The following ANK2 variants were observed in gnomAD, a reference collection of about 807,000 sequenced individuals.
The protein encoded by ANK2 is ankyrin-2.
A neutral mutation model predicts 360.5 loss-of-function variants in ANK2; 83 were observed. The ratio of observed to expected loss-of-function variants is 0.23; its 90% CI spans 0.19 to 0.28. The LOEUF (loss-of-function observed/expected upper bound fraction) is 0.28, where lower values mean the gene tolerates loss of function less well. Among genes scored for constraint, ANK2 ranks in the 10% least tolerant of loss-of-function variants. The probability of loss-of-function intolerance (pLI) is 1.00; values close to 1 mark genes in which losing one functional copy is unlikely to be tolerated. For synonymous variants in ANK2, 1,740 were observed against 1,759.5 expected (o/e 0.99, Z 0.28); for missense variants, 4,201 against 4,795.7 (o/e 0.88, Z 3.66).
chr4:113,237,681 T>C (rs923643016), intron 7 of ANK2, 59 bp downstream of exon 7: 22 of 1,416,524 alleles, frequency 1.6e-5, no homozygotes, highest in Non-Finnish European at 2.2e-5. Context: ...TTTTGCCCAA[T>C]TGGAATAAAT....
At chr4:112,781,840 T>C in the ANK2 span, among the ~76,000 whole-genome samples, 1 of 149,324 alleles carries the variant, frequency 6.7e-6, no homozygotes, top group Non-Finnish European at 1.5e-5. Context: ...TTTTTTTTTT[T>C]TTTTTTTGAG....
At chr4:113,064,092 C>G (rs1046700510) in intron 1 of ANK2, among the ~76,000 whole-genome samples, 1 of 152,016 alleles carries the variant, frequency 6.6e-6, no homozygotes, top group African/African-American at 2.4e-5. Context: ...CAGTGGAAGT[C>G]ATTTTTGGAA....
At chr4:112,706,336 T>C in the ANK2 span, among the ~76,000 whole-genome samples, 1 of 152,116 alleles carries the variant, frequency 6.6e-6, no homozygotes, top group East Asian at 1.9e-4. Context: ...ACGAGCCAAC[T>C]TGGCTACATC....
chr4:113,236,398 T>C (rs1192596402), intron 5 of ANK2, among the ~76,000 whole-genome samples: 3 of 152,302 alleles, frequency 2.0e-5, no homozygotes, highest in Middle Eastern at 3.4e-3. Flanking sequence ...GTCAAAATAA[T>C]ATAAAATTCA....
At chr4:112,935,418 A>G (rs990579063) in intron 2 of ANK2, among the ~76,000 whole-genome samples, 1 of 152,190 alleles carries the variant, frequency 6.6e-6, no homozygotes, top group Non-Finnish European at 1.5e-5. Flanking sequence ...ATAGTGCCTA[A>G]TTCTAGGAGA....
intron 45 of ANK2, 88 bp downstream of exon 45, chr4:113,373,537 T>C: frequency 7.1e-7 from 1 of 1,399,150 alleles, no homozygotes; most frequent in Non-Finnish European, 1.0e-6. Context: ...TTATTCATAT[T>C]TTCCTCACTT....
In ANK2 at chr4:113,341,814, T is replaced by C. The variant is rs2094333433; in HGVS notation, c.4020T>C (p.Ile1340=). ...TGTTTGCCAAATCACATGACCCCAT[T>C]GAAGCCAGGTTGAGGTGTTTCTGCA... The part of the protein sequence containing the change: ...FVVFAKSHDP[I]EARLRCFCMT... The change falls in exon 33 of 46, where the codon ATT becomes ATC. Residue 1340 remains isoleucine (I), a synonymous_variant. Coordinates refer to ENST00000357077, the MANE Select transcript of ANK2 (RefSeq NM_001148.6). The C allele has an allele frequency of 6.2e-7, 1 of 1,613,988 alleles. No individual in the cohort carries two copies. The highest frequency in any genetic ancestry group is 8.5e-7 in the Non-Finnish European group (1 of 1,180,016).
At chr4:113,067,714 A>G (rs1186592853) in intron 1 of ANK2, among the ~76,000 whole-genome samples, 1 of 152,210 alleles carries the variant, frequency 6.6e-6, no homozygotes, top group Admixed American at 6.5e-5. Flanking sequence ...CTGGAAAAAG[A>G]ACATGCTCAT....
At chr4:113,220,646 A>G (rs577907196) in intron 4 of ANK2, among the ~76,000 whole-genome samples, 4 of 152,292 alleles carry the variant, frequency 2.6e-5, no homozygotes, top group African/African-American at 7.2e-5. Context: ...GTCTTTGTTC[A>G]TTTTTGCAAA....
intron 40 of ANK2, 21 bp from the exon 41 acceptor site, chr4:113,365,018 G>A (rs746854533): frequency 1.2e-6 from 2 of 1,613,352 alleles, no homozygotes; most frequent in African/African-American, 1.3e-5. Flanking sequence ...CATAATAAAT[G>A]CTGTTTCTCT....
intron 1 of ANK2, among the ~76,000 whole-genome samples, chr4:113,168,318 AAT>A (rs2097825383): frequency 6.6e-6 from 1 of 152,256 alleles, no homozygotes; most frequent in African/African-American, 2.4e-5. Context: ...ATTTTGTGTG[AAT>A]AGTTATCTTA....
rs973881703 is a variant in ANK2, at chr4:113,341,607, T to G, written c.3894-81T>G. ...TCCAAGAAGCATTTGTTGACTACTTTGATCATATTGAAGGAACTGATTTTA... is the reference window on the plus strand; with the variant it reads ...TCCAAGAAGCATTTGTTGACTACTTGGATCATATTGAAGGAACTGATTTTA... On this transcript the variant is annotated intron_variant, in intron 32 of 45. Transcript: ENST00000357077. 4.2e-6 allele frequency: 6 copies of G among 1,435,096 alleles called. No homozygotes were observed. The African/African-American group carries it at 7.0e-5, about 17-fold the overall frequency. 88.9% of individuals were successfully genotyped at this position (1,435,096 alleles called of 1,614,324 possible).
the ANK2 span, among the ~76,000 whole-genome samples, chr4:112,709,452 A>G: frequency 2.6e-5 from 4 of 152,192 alleles, no homozygotes; most frequent in Non-Finnish European, 1.5e-5. Flanking sequence ...ATTATGACAT[A>G]TAAGATATAT....
At chr4:113,291,619 G>T (rs2067621461) in intron 20 of ANK2, among the ~76,000 whole-genome samples, 1 of 152,174 alleles carries the variant, frequency 6.6e-6, no homozygotes, top group African/African-American at 2.4e-5. Context: ...GATGAAAGGG[G>T]TATGTACACT....
At chr4:112,827,696 G>A in intron 1 of ANK2, 2 of 576,280 alleles carry the variant, frequency 3.5e-6, no homozygotes, top group Admixed American at 2.8e-5. Context: ...TTCGATTCCT[G>A]GAACATAATC....
At chr4:113,322,645 C>G (rs1202669821) in intron 26 of ANK2, among the ~76,000 whole-genome samples, 2 of 152,178 alleles carry the variant, frequency 1.3e-5, no homozygotes, top group South Asian at 2.1e-4. Flanking sequence ...ATGTCCTACA[C>G]AGTCATACAT....
chr4:113,288,473 A>T lies in ANK2; in HGVS notation c.2264A>T (p.Asn755Ile), dbSNP rs1221060009. ...CTTCTGAAGCAGGGAGCAAATGTTAACGCAAAAACCAAGGTAAAGTACTTG... is the reference window on the plus strand; with the variant it reads ...CTTCTGAAGCAGGGAGCAAATGTTATCGCAAAAACCAAGGTAAAGTACTTG... Reference protein sequence around the residue: ...NFLLKQGANVNAKTKNGYTPL... With the variant: ...NFLLKQGANVIAKTKNGYTPL... The change falls in exon 20 of 46, where the codon AAC becomes ATC. Residue 755 changes from asparagine (N) to isoleucine (I), a missense_variant. Asn to Ile is a moderately radical substitution (Grantham distance 149). Coordinates refer to ENST00000357077, the MANE Select transcript of ANK2 (RefSeq NM_001148.6). The T allele has an allele frequency of 6.2e-7, 1 of 1,613,722 alleles. No homozygotes were observed. Among genetic ancestry groups the T allele is most frequent in the East Asian group, 2.2e-5 (1 of 44,842 alleles).
the ANK2 span, among the ~76,000 whole-genome samples, chr4:112,792,033 C>CTTT: frequency 0.011 from 729 of 65,432 alleles, no homozygotes; most frequent in African/African-American, 0.017. Flanking sequence ...CACATCCTTT[C>CTTT]TTTTTTTTTT....
intron 2 of ANK2, among the ~76,000 whole-genome samples, chr4:112,945,092 G>A (rs1455996969): frequency 1.3e-5 from 2 of 152,188 alleles, no homozygotes; most frequent in African/African-American, 4.8e-5. Context: ...CATACCACAT[G>A]TATCTTGGGT....
Sources: allele counts gnomAD v4.1 joint callset (sites outside exome capture counted in the v4.1 genomes callset), GRCh38; gene constraint gnomAD v4.1.1; transcripts MANE v1.5; gene names NCBI Gene and HGNC (gene_info 2026-07-23, HGNC 2026-07-21).